The following KNSTRN variants were observed in gnomAD, a reference collection of about 807,000 sequenced individuals.
KNSTRN encodes kinetochore localized astrin (SPAG5) binding protein, also known as small kinetochore-associated protein.
A neutral mutation model predicts 44.7 loss-of-function variants in KNSTRN; 38 were observed. The observed-to-expected ratio is 0.85, with a 90% CI of 0.66 to 1.11. KNSTRN has a LOEUF of 1.11. Among genes scored for constraint, KNSTRN ranks in the 50% most tolerant of loss-of-function variants. KNSTRN has a pLI of 0.00. For synonymous variants in KNSTRN, 158 were observed against 148.1 expected (o/e 1.07, Z -0.48); for missense variants, 406 against 375.8 (o/e 1.08, Z -0.66).
intron 2 of KNSTRN, chr15:40,384,054 G>C (rs1466338821): frequency 2.4e-5 from 4 of 166,476 alleles, no homozygotes; most frequent in African/African-American, 9.6e-5. Flanking sequence ...ATTCCACTCA[G>C]CTGGTACATA....
chr15:40,390,564 G>T (rs1003824038), intron 6 of KNSTRN, among the ~76,000 whole-genome samples: 23 of 151,992 alleles, frequency 1.5e-4, no homozygotes, highest in African/African-American at 5.1e-4. Context: ...TTTGTATTAA[G>T]GAATACTGAC....
chr15:40,389,552 A>C lies in KNSTRN; in HGVS notation c.532A>C (p.Lys178Gln). ...KQKSEEELKDKNQLLEAVNKQ... is the reference protein window; with the variant it reads ...KQKSEEELKDQNQLLEAVNKQ... Reference sequence around the variant, plus strand: ...AAAATCAGAGGAAGAGCTCAAGGACAAGAACCAGCTGTTAGAAGCCGTCAA... The same window carrying C: ...AAAATCAGAGGAAGAGCTCAAGGACCAGAACCAGCTGTTAGAAGCCGTCAA... The change falls in exon 5 of 9, where the codon AAG becomes CAG. Residue 178 changes from lysine (K) to glutamine (Q), a missense_variant. Coordinates refer to ENST00000249776, the MANE Select transcript of KNSTRN (RefSeq NM_033286.4). 1.2e-6 allele frequency: 2 copies of C among 1,614,172 alleles called. No individual in the cohort carries two copies. Among genetic ancestry groups the C allele is most frequent in the Non-Finnish European group, 1.7e-6 (2 of 1,180,012 alleles).
Position 40,393,776 on chromosome 15 carries a change from C to T in KNSTRN, c.*179C>T, listed in dbSNP as rs1025180379. ...GCAATTCCTCATTTAAGCAAGTTTT[C>T]CCAACCTTCAGGTTGGTCAGCCCTC... On this transcript the variant is annotated 3_prime_UTR_variant, in exon 9 of 9. Transcript: ENST00000249776. 1 of 536,622 alleles carries T rather than the reference C, an allele frequency of 1.9e-6. No homozygotes were observed. The highest frequency in any genetic ancestry group is 3.1e-6 in the Non-Finnish European group (1 of 321,560). 33.2% of individuals were successfully genotyped at this position (536,622 alleles called of 1,614,324 possible). A position where few individuals can be genotyped will look rare whatever the true frequency, so the allele number is the denominator to read the frequency against.
intron 4 of KNSTRN, among the ~76,000 whole-genome samples, chr15:40,388,992 T>C (rs1889950444): frequency 6.6e-6 from 1 of 152,156 alleles, no homozygotes; most frequent in Non-Finnish European, 1.5e-5. Context: ...TTATTACTCA[T>C]AATAATAATA....
At chr15:40,384,297 C>A in intron 2 of KNSTRN, 4 of 317,652 alleles carry the variant, frequency 1.3e-5, no homozygotes, top group South Asian at 7.0e-5. Flanking sequence ...TGGCGTGAAC[C>A]CGGGAGGCGG....
In KNSTRN at chr15:40,387,226, A is replaced by G; in HGVS notation, c.485+20A>G. The G allele has an allele frequency of 6.3e-7, 1 of 1,597,740 alleles. No homozygotes were observed. Among genetic ancestry groups the G allele is most frequent in the African/African-American group, 1.3e-5 (1 of 74,712 alleles). On this transcript the variant is annotated intron_variant, in intron 4 of 8. Coordinates refer to ENST00000249776, the MANE Select transcript of KNSTRN (RefSeq NM_033286.4). ...AAAAGGGTGAGCATCAGGGTAAATC[A>G]ACTTGGCCACTATTCTAGGGTAGTG...
intron 8 of KNSTRN, among the ~76,000 whole-genome samples, chr15:40,392,990 C>A (rs952842893): frequency 1.3e-5 from 2 of 149,632 alleles, no homozygotes; most frequent in Non-Finnish European, 3.0e-5. Flanking sequence ...TGGATTTTAG[C>A]AGTTTTTTCC....
intron 8 of KNSTRN, among the ~76,000 whole-genome samples, chr15:40,392,453 C>T (rs1890017369): frequency 6.6e-6 from 1 of 152,166 alleles, no homozygotes; most frequent in Non-Finnish European, 1.5e-5. Flanking sequence ...CTTTGGGAGG[C>T]TGAGGTGGAA....
chr15:40,384,735 C>T (rs1889875414), intron 2 of KNSTRN: 2 of 192,668 alleles, frequency 1.0e-5, no homozygotes, highest in Middle Eastern at 2.3e-3. Flanking sequence ...GTAATATATG[C>T]ACATGTGAAA....
At chr15:40,383,459 G>A (rs1889850853) in intron 2 of KNSTRN, 137 bp downstream of exon 2, 2 of 632,716 alleles carry the variant, frequency 3.2e-6, no homozygotes, top group South Asian at 3.8e-5. Context: ...CCTATAACCA[G>A]GCTATGTAGG....
chr15:40,382,927 A>G lies in KNSTRN; in HGVS notation c.92A>G (p.Tyr31Cys). 6.2e-7 allele frequency: 1 copy of G among 1,612,222 alleles called. No homozygotes were observed. ...ECDSHPLPPS[Y>C]RKFLFETQAA... ...GATTCCCACCCACTTCCGCCTAGCT[A>G]CCGGAAGTTTCTATTTGAAACCCAG... The change falls in exon 1 of 9, where the codon TAC becomes TGC. Residue 31 changes from tyrosine to cysteine, a missense_variant. Physicochemically the swap from Tyr to Cys is radical, Grantham distance 194. Coordinates refer to ENST00000249776, the MANE Select transcript of KNSTRN (RefSeq NM_033286.4).
At chr15:40,383,445 GC>G (rs1566921813) in intron 2 of KNSTRN, 123 bp downstream of exon 2, 5 of 691,374 alleles carry the variant, frequency 7.2e-6, no homozygotes, top group African/African-American at 1.8e-5. Context: ...AAACCTGTGA[GC>G]CCCCTATAAC....
intron 7 of KNSTRN, 137 bp downstream of exon 7, chr15:40,391,691 G>T: frequency 1.3e-6 from 1 of 751,782 alleles, no homozygotes. Context: ...AAGAGAAATG[G>T]GATGTGTACT....
intron 8 of KNSTRN, among the ~76,000 whole-genome samples, chr15:40,392,270 G>T (rs1318112805): frequency 6.6e-6 from 1 of 151,792 alleles, no homozygotes; most frequent in African/African-American, 2.4e-5. Context: ...TGCCATGGTG[G>T]TTAGCTGCAC....
chr15:40,386,078 A>G (rs1889895121), intron 2 of KNSTRN, among the ~76,000 whole-genome samples: 1 of 152,166 alleles, frequency 6.6e-6, no homozygotes, highest in Admixed American at 6.5e-5. Flanking sequence ...TCTATTTTTA[A>G]AATTTTAAAA....
intron 7 of KNSTRN, 42 bp downstream of exon 7, chr15:40,391,596 G>T: frequency 1.3e-6 from 2 of 1,494,670 alleles, no homozygotes; most frequent in South Asian, 2.3e-5. Flanking sequence ...CTGAGTGACT[G>T]TGGGGCTCTG....
At chr15:40,389,153 C>T (rs1454994426) in intron 4 of KNSTRN, 4 of 399,930 alleles carry the variant, frequency 1.0e-5, no homozygotes, top group African/African-American at 4.2e-5. Context: ...ATTTTTCTTT[C>T]TTTTTTTTTT....
chr15:40,391,536 T>C lies in KNSTRN; in HGVS notation c.729T>C (p.Thr243=), dbSNP rs1889996851. The change falls in exon 7 of 9, where the codon ACT becomes ACC. Residue 243 remains threonine (T), a synonymous_variant. Coordinates refer to ENST00000249776, the MANE Select transcript of KNSTRN (RefSeq NM_033286.4). ...ETLASRQEST[T]DHMDSMLLLE... is the part of the protein sequence containing the mutation. The stretch of plus-strand genomic sequence containing the variant: ...TGGCATCACGACAAGAATCCACTAC[T>C]GATCACATGGACTCTATGGTGAGGG... The C allele has an allele frequency of 1.9e-6, 3 of 1,613,938 alleles. No individual in the cohort carries two copies. The highest frequency in any genetic ancestry group is 2.5e-6 in the Non-Finnish European group (3 of 1,179,838).
In KNSTRN at chr15:40,386,418, G is replaced by A. The variant is rs761636030; in HGVS notation, c.361G>A (p.Asp121Asn). ...CTTACCTGTTAGGTCCAAAGAAGTC[G>A]ATGTTTCCAAACAGCTTCATTCAGG... Reference protein sequence around the residue: ...SLLPVRSKEVDVSKQLHSGGP... With the variant: ...SLLPVRSKEVNVSKQLHSGGP... Residue 121 changes from aspartate to asparagine, a missense_variant, in exon 3 of 9, where the codon GAT becomes AAT. Transcript: ENST00000249776. 48 of 1,613,936 alleles carry A rather than the reference G, an allele frequency of 3.0e-5. No homozygotes were observed. Among genetic ancestry groups the A allele is most frequent in the Non-Finnish European group, 3.6e-5 (42 of 1,179,996 alleles).
Sources: gnomAD v4.1 joint callset for allele counts (sites outside exome capture counted in the v4.1 genomes callset) on GRCh38, gnomAD v4.1.1 for gene constraint, MANE v1.5 for transcripts, NCBI Gene and HGNC (gene_info 2026-07-23, HGNC 2026-07-21) for gene names.